The following PCDH15 variants were observed in gnomAD, a reference collection of about 807,000 sequenced individuals.
The protein encoded by PCDH15 is protocadherin related 15.
In PCDH15, 129 loss-of-function variants were observed where a neutral mutation model predicts 178.5. The ratio of observed to expected loss-of-function variants is 0.72; its 90% CI spans 0.63 to 0.84. The LOEUF (loss-of-function observed/expected upper bound fraction) is 0.84, where lower values mean the gene tolerates loss of function less well. Ranked by LOEUF, PCDH15 falls within the 40% of genes least tolerant of loss-of-function variation. The pLI is 0.00. For missense variants in PCDH15, 2,230 were observed against 2,099.9 expected (o/e 1.06, Z -1.21); for synonymous variants, 800 against 732.0 (o/e 1.09, Z -1.50).
intron 25 of PCDH15, among the ~76,000 whole-genome samples, chr10:53,925,660 G>A (rs1437784332): frequency 2.6e-5 from 4 of 152,194 alleles, no homozygotes; most frequent in African/African-American, 4.8e-5. Flanking sequence ...TACACTGCCA[G>A]TGGATTTTTG....
chr10:54,362,895 G>A (rs577941857), intron 5 of PCDH15, among the ~76,000 whole-genome samples: 1 of 151,950 alleles, frequency 6.6e-6, no homozygotes, highest in South Asian at 2.1e-4. Flanking sequence ...TGTTGTTCTT[G>A]TCATTATTCT....
chr10:54,293,067 T>TACCAC (rs779072252), intron 8 of PCDH15, among the ~76,000 whole-genome samples: 10 of 152,114 alleles, frequency 6.6e-5, no homozygotes, highest in Non-Finnish European at 1.3e-4. Context: ...CTTCAAACTA[T>TACCAC]ACCACAAAGC....
chr10:55,506,581 T>C (rs572847401), intron 2 of PCDH15, among the ~76,000 whole-genome samples: 3 of 151,500 alleles, frequency 2.0e-5, no homozygotes, highest in African/African-American at 7.2e-5. Flanking sequence ...ATGACGAAGG[T>C]GATAAGGTAA....
At chr10:53,925,758 G>A (rs959527985) in intron 25 of PCDH15, among the ~76,000 whole-genome samples, 3 of 152,136 alleles carry the variant, frequency 2.0e-5, no homozygotes, top group Non-Finnish European at 4.4e-5. Flanking sequence ...TTTCTATGGT[G>A]TGTTCAGATG....
intron 7 of PCDH15, among the ~76,000 whole-genome samples, chr10:54,319,648 A>G (rs944568489): frequency 6.6e-6 from 1 of 152,140 alleles, no homozygotes; most frequent in African/African-American, 2.4e-5. Flanking sequence ...TCACTTTAAA[A>G]TGGCTAATCT....
chr10:55,076,460 T>C (rs967135526), intron 2 of PCDH15, among the ~76,000 whole-genome samples: 24 of 148,502 alleles, frequency 1.6e-4, no homozygotes, highest in African/African-American at 5.6e-4. Context: ...TTGGTGACTC[T>C]TTTTTTTTGG....
At chr10:54,133,195 T>C (rs1490042643) in intron 14 of PCDH15, among the ~76,000 whole-genome samples, 188 bp from the exon 15 acceptor site, 2 of 152,232 alleles carry the variant, frequency 1.3e-5, no homozygotes, top group Non-Finnish European at 2.9e-5. Context: ...GAAATTATCT[T>C]AGTAAAAGTA....
intron 1 of PCDH15, among the ~76,000 whole-genome samples, chr10:55,193,295 G>A (rs899870345): frequency 4.0e-5 from 6 of 151,862 alleles, no homozygotes; most frequent in Non-Finnish European, 5.9e-5. Flanking sequence ...ATATGAAACT[G>A]TAACACAATA....
rs1241284400 is a variant in PCDH15 at position 54,773,373 on chromosome 10, T to G, written c.-29+27552A>C. ...ATTTTTAATAAATTAAAACTATGCT[T>G]ATCAGTTCATGTGGGATTGTCTAAA... On this transcript the variant is annotated intron_variant, in intron 1 of 37. Transcript: ENST00000644397. 2.3e-4 allele frequency among the ~76,000 whole-genome samples: 35 copies of G among 152,166 alleles called. 1 individual carries two copies.
chr10:54,962,822 C>A (rs1308234367), intron 2 of PCDH15, among the ~76,000 whole-genome samples: 2 of 152,160 alleles, frequency 1.3e-5, no homozygotes, highest in East Asian at 3.9e-4. Flanking sequence ...CAAGAACAGC[C>A]TGCTGGGCCA....
At chr10:54,915,027 G>A (rs1032436094) in intron 2 of PCDH15, among the ~76,000 whole-genome samples, 7 of 152,288 alleles carry the variant, frequency 4.6e-5, no homozygotes, top group Admixed American at 2.0e-4. Context: ...TTAGACATAC[G>A]ATACAGGTCT....
chr10:54,296,039 G>GGAGGCT (rs2059748220), intron 8 of PCDH15, among the ~76,000 whole-genome samples: 1 of 149,408 alleles, frequency 6.7e-6, no homozygotes, highest in Non-Finnish European at 1.5e-5. Flanking sequence ...CAGCTACTTG[G>GGAGGCT]GAGGCTGAGG....
intron 28 of PCDH15, among the ~76,000 whole-genome samples, chr10:53,850,618 T>G (rs2078294386): frequency 2.0e-5 from 3 of 152,160 alleles, no homozygotes; most frequent in Non-Finnish European, 4.4e-5. Context: ...TAGGATTTAT[T>G]ATTATATTTC....
intron 2 of PCDH15, among the ~76,000 whole-genome samples, chr10:55,080,511 G>C (rs546240898): frequency 2.6e-5 from 4 of 152,148 alleles, no homozygotes; most frequent in Non-Finnish European, 4.4e-5. Flanking sequence ...TGTGTGAGCA[G>C]GGTTGGCACT....
chr10:55,011,983 G>A (rs1220400568), intron 2 of PCDH15, among the ~76,000 whole-genome samples: 1 of 152,018 alleles, frequency 6.6e-6, no homozygotes, highest in African/African-American at 2.4e-5. Flanking sequence ...GTCCATTTCT[G>A]ACAACAGGAA....
chr10:54,928,707 T>C (rs914252897), intron 2 of PCDH15, among the ~76,000 whole-genome samples: 13 of 152,162 alleles, frequency 8.5e-5, no homozygotes, highest in African/African-American at 3.1e-4. Flanking sequence ...GCTCTCACCT[T>C]GGTCTATTCT....
intron 8 of PCDH15, among the ~76,000 whole-genome samples, chr10:54,250,579 G>T (rs749910821): frequency 6.6e-6 from 1 of 151,926 alleles, no homozygotes; most frequent in African/African-American, 2.4e-5. Context: ...CACCGCGCCC[G>T]GCTTATTACA....
chr10:55,234,077 T>C (rs1841304977), intron 1 of PCDH15, among the ~76,000 whole-genome samples: 1 of 152,054 alleles, frequency 6.6e-6, no homozygotes, highest in African/African-American at 2.4e-5. Flanking sequence ...TATTTAGATG[T>C]AGTCTTTACA....
chr10:54,524,685 G>A (rs1050623374), intron 3 of PCDH15, among the ~76,000 whole-genome samples: 8 of 152,168 alleles, frequency 5.3e-5, no homozygotes, highest in Non-Finnish European at 7.3e-5. Flanking sequence ...AATGTGATCT[G>A]TTTCTCTAAA....
Sources: gnomAD v4.1 joint callset for allele counts (sites outside exome capture counted in the v4.1 genomes callset) on GRCh38, gnomAD v4.1.1 for gene constraint, MANE v1.5 for transcripts, NCBI Gene and HGNC (gene_info 2026-07-23, HGNC 2026-07-21) for gene names.